SLC23A2: variants seen among roughly 807,000 people sequenced by gnomAD.
The protein encoded by SLC23A2 is Na(+)/L-ascorbic acid transporter 2.
Under a neutral mutation model 73.3 loss-of-function variants are expected in SLC23A2, and 36 were observed. The observed-to-expected ratio is 0.49, with a 90% confidence interval of 0.38 to 0.65. The LOEUF is 0.65. SLC23A2 is among the 30% of genes least tolerant of loss of function. SLC23A2 has a pLI of 0.00. For synonymous variants in SLC23A2, 343 were observed against 327.3 expected, an observed-to-expected ratio of 1.05 and a Z score of -0.52; for missense variants, 507 against 841.6, an observed-to-expected ratio of 0.60 and a Z score of 4.92.
chr20:4,959,991 G>A (rs1324200756), intron 2 of SLC23A2, among the ~76,000 whole-genome samples: 1 of 151,836 alleles, frequency 6.6e-6, no homozygotes, highest in African/African-American at 2.4e-5. Context: ...ATGAGGTCTC[G>A]CTATGTTGCC....
Position 4,890,525 on chromosome 20 carries a change from T to A in SLC23A2, c.483-4616A>T, listed in dbSNP as rs565937965. ...AAAACTAGCCAGGCATGGTGGCAGG[T>A]ACCTATATCCCAGCTACTTGGGAGG... On this transcript the variant is annotated intron_variant, in intron 6 of 16. Coordinates refer to ENST00000338244, the MANE Select transcript of SLC23A2 (RefSeq NM_005116.6). Among the ~76,000 whole-genome samples, 34 of 152,138 alleles carry A rather than the reference T, an allele frequency of 2.2e-4. 1 individual carries two copies.
At chr20:4,929,619 G>T (rs1932763683) in intron 3 of SLC23A2, among the ~76,000 whole-genome samples, 1 of 152,168 alleles carries the variant, frequency 6.6e-6, no homozygotes, top group African/African-American at 2.4e-5. Context: ...GGTTCCCAAT[G>T]ATTTAAATGA....
At chr20:4,903,618 A>G (rs1931831611) in intron 4 of SLC23A2, among the ~76,000 whole-genome samples, 1 of 152,218 alleles carries the variant, frequency 6.6e-6, no homozygotes, top group African/African-American at 2.4e-5. Flanking sequence ...CAATACCCTT[A>G]AACAAAAGAA....
chr20:4,911,861 A>G (rs1932161454), intron 4 of SLC23A2, among the ~76,000 whole-genome samples: 1 of 151,876 alleles, frequency 6.6e-6, no homozygotes, highest in South Asian at 2.1e-4. Context: ...TATTTTTTTT[A>G]GAGACAGGGT....
chr20:4,871,980 A>T (rs554187110), intron 11 of SLC23A2, among the ~76,000 whole-genome samples: 76 of 152,082 alleles, frequency 5.0e-4, no homozygotes, highest in Non-Finnish European at 9.7e-4. Context: ...CTTCAGATAT[A>T]TATCTATATA....
At chr20:4,931,010 A>G (rs1273661731) in intron 3 of SLC23A2, among the ~76,000 whole-genome samples, 1 of 148,724 alleles carries the variant, frequency 6.7e-6, no homozygotes, top group Non-Finnish European at 1.5e-5. Flanking sequence ...TTTTCTTAAA[A>G]TAACTTTTAT....
chr20:4,906,646 A>G (rs1231265287), intron 4 of SLC23A2, among the ~76,000 whole-genome samples: 2 of 152,004 alleles, frequency 1.3e-5, no homozygotes, highest in African/African-American at 4.8e-5. Flanking sequence ...ACAACAAAAA[A>G]CCAAAAAACA....
At chr20:4,878,268 C>A (rs1930735949) in intron 9 of SLC23A2, among the ~76,000 whole-genome samples, 1 of 152,094 alleles carries the variant, frequency 6.6e-6, no homozygotes, top group Non-Finnish European at 1.5e-5. Flanking sequence ...CTCATTGCAA[C>A]CTCCACCTCG....
chr20:4,933,117 G>A (rs1199831331), intron 2 of SLC23A2, among the ~76,000 whole-genome samples: 2 of 152,198 alleles, frequency 1.3e-5, no homozygotes, highest in Non-Finnish European at 2.9e-5. Context: ...CCTGAAATGT[G>A]CTTAGTGCAA....
chr20:4,925,173 ACT>A (rs917742738), intron 3 of SLC23A2, among the ~76,000 whole-genome samples: 50 of 147,720 alleles, frequency 3.4e-4, no homozygotes, highest in Non-Finnish European at 6.1e-4. Context: ...ATAGAGCAAG[ACT>A]CTGTCAAAAA....
chr20:4,875,684 G>T (rs1244330589), intron 9 of SLC23A2, among the ~76,000 whole-genome samples: 1 of 152,156 alleles, frequency 6.6e-6, no homozygotes, highest in Non-Finnish European at 1.5e-5. Flanking sequence ...GTCCCACGGG[G>T]CTGGCAGGTG....
At chr20:4,923,204 C>A (rs1028085544) in intron 3 of SLC23A2, among the ~76,000 whole-genome samples, 1 of 138,468 alleles carries the variant, frequency 7.2e-6, no homozygotes, top group Non-Finnish European at 1.5e-5. Context: ...CCCAGGAGTT[C>A]GAGACCAGCC....
intron 2 of SLC23A2, among the ~76,000 whole-genome samples, chr20:4,944,164 C>T (rs1270755654): frequency 6.6e-6 from 1 of 152,194 alleles, no homozygotes; most frequent in Non-Finnish European, 1.5e-5. Context: ...ACCCTGTAAT[C>T]CCACCAATTT....
At position 4,854,428 on chromosome 20, in the gene SLC23A2, G is replaced by A. The variant is rs191811061; in HGVS notation, c.*2544C>T. On this transcript the variant is annotated 3_prime_UTR_variant, in exon 17 of 17. Coordinates refer to ENST00000338244, the MANE Select transcript of SLC23A2 (RefSeq NM_005116.6). ...GTGTGTGTGTGTGTTACATGTTCAA[G>A]TTTATTAGTCATTAGGGGACTCCAA... 2 of 151,954 alleles carry A rather than the reference G, an allele frequency of 1.3e-5. No individual in the cohort carries two copies. Among genetic ancestry groups the A allele is most frequent in the East Asian group, 1.9e-4 (1 of 5,178 alleles). 9.4% of individuals were successfully genotyped at this position (151,954 alleles called of 1,614,324 possible). A position where few individuals can be genotyped will look rare whatever the true frequency, so the allele number is the denominator to read the frequency against.
chr20:4,922,303 G>C (rs993590583), intron 3 of SLC23A2, among the ~76,000 whole-genome samples: 1 of 152,162 alleles, frequency 6.6e-6, no homozygotes, highest in Non-Finnish European at 1.5e-5. Flanking sequence ...GTGGGGCAGG[G>C]AGATCACACA....
chr20:4,999,132 C>T (rs1285487165), intron 1 of SLC23A2, among the ~76,000 whole-genome samples: 1 of 152,070 alleles, frequency 6.6e-6, no homozygotes, highest in African/African-American at 2.4e-5. Flanking sequence ...ATTACCTTAA[C>T]CAAAATGGGA....
chr20:4,992,037 G>A (rs2087933868), intron 1 of SLC23A2, among the ~76,000 whole-genome samples: 1 of 152,078 alleles, frequency 6.6e-6, no homozygotes, highest in Non-Finnish European at 1.5e-5. Context: ...TTGAACCTGG[G>A]AGGCAGAGGT....
chr20:4,890,795 G>A (rs1338630754), intron 6 of SLC23A2, among the ~76,000 whole-genome samples: 3 of 152,136 alleles, frequency 2.0e-5, no homozygotes, highest in South Asian at 4.1e-4. Context: ...CTATCTATTC[G>A]TGGTGATGGT....
At chr20:4,978,639 C>T (rs1430863131) in intron 1 of SLC23A2, among the ~76,000 whole-genome samples, 1 of 152,148 alleles carries the variant, frequency 6.6e-6, no homozygotes. Context: ...TTGGAGGCAG[C>T]CCCAGAACCA....
Sources: gnomAD v4.1 joint callset for allele counts (sites outside exome capture counted in the v4.1 genomes callset) on GRCh38, gnomAD v4.1.1 for gene constraint, MANE v1.5 for transcripts, NCBI Gene and HGNC (gene_info 2026-07-23, HGNC 2026-07-21) for gene names.